SPATA31H1: variants seen among roughly 807,000 people sequenced by gnomAD.
SPATA31H1 encodes spermatogenesis-associated protein 31H1.
At chr2:27,565,359 A>C in the SPATA31H1 span, 1 of 717,386 alleles carries the variant, frequency 1.4e-6, no homozygotes, top group East Asian at 2.7e-5. Context: ...CATAGATTGA[A>C]AAAGATCCAG....
chr2:27,542,809 CAT>C, the SPATA31H1 span, among the ~76,000 whole-genome samples: 2 of 151,996 alleles, frequency 1.3e-5, no homozygotes, highest in African/African-American at 4.8e-5. Flanking sequence ...AAAAAGACAA[CAT>C]ACAGTCTGGG....
chr2:27,581,066 G>A, the SPATA31H1 span: 6 of 1,614,140 alleles, frequency 3.7e-6, no homozygotes, highest in Non-Finnish European at 5.1e-6. Flanking sequence ...CCTCCAGCCA[G>A]GAGTCTAAGA....
the SPATA31H1 span, among the ~76,000 whole-genome samples, chr2:27,554,415 G>T: frequency 2.0e-5 from 3 of 151,970 alleles, no homozygotes; most frequent in Admixed American, 2.0e-4. Flanking sequence ...ATAAACAACA[G>T]AAACTTTTTT....
At chr2:27,538,863 T>A in the SPATA31H1 span, among the ~76,000 whole-genome samples, 1 of 151,888 alleles carries the variant, frequency 6.6e-6, no homozygotes, top group East Asian at 1.9e-4. Flanking sequence ...CATAAATTAA[T>A]TCCCCAAGTA....
At chr2:27,579,926 C>T in the SPATA31H1 span, 1 of 1,614,206 alleles carries the variant, frequency 6.2e-7, no homozygotes, top group Non-Finnish European at 8.5e-7. Flanking sequence ...TCCTAAAATA[C>T]CCTATCTGCC....
At chr2:27,570,817 AC>A in the SPATA31H1 span, 2 of 398,796 alleles carry the variant, frequency 5.0e-6, no homozygotes, top group Non-Finnish European at 8.9e-6. Context: ...GTAGCAGGCA[AC>A]CAAGAACCAA....
the SPATA31H1 span, among the ~76,000 whole-genome samples, chr2:27,556,866 G>T: frequency 9.6e-6 from 1 of 104,260 alleles, no homozygotes; most frequent in Non-Finnish European, 1.9e-5. Flanking sequence ...TTGGCCTTCC[G>T]CAGTGTTTGT....
chr2:27,581,137 T>G, the SPATA31H1 span: 7 of 1,614,154 alleles, frequency 4.3e-6, no homozygotes, highest in Non-Finnish European at 4.2e-6. Flanking sequence ...GGTTCCCCTG[T>G]GAAGAGAACC....
At chr2:27,580,192 C>T in the SPATA31H1 span, 7 of 1,614,214 alleles carry the variant, frequency 4.3e-6, no homozygotes, top group Non-Finnish European at 5.9e-6. Context: ...TATACTCAAG[C>T]TTCCAAGAGT....
the SPATA31H1 span, among the ~76,000 whole-genome samples, chr2:27,543,940 T>C: frequency 6.6e-6 from 1 of 151,998 alleles, no homozygotes; most frequent in African/African-American, 2.4e-5. Context: ...TATTGACGGT[T>C]GTTTTTTAGG....
the SPATA31H1 span, chr2:27,569,500 A>C: frequency 2.5e-6 from 1 of 398,840 alleles, no homozygotes; most frequent in Non-Finnish European, 4.4e-6. Flanking sequence ...AAATCTATGG[A>C]GTTAACCAGT....
the SPATA31H1 span, chr2:27,575,475 T>A: frequency 2.5e-6 from 1 of 398,512 alleles, no homozygotes; most frequent in Non-Finnish European, 4.4e-6. This position sits in a 1 kb window ranked among gnomAD's most constrained non-coding sequence, Gnocchi z 4.1. Context: ...TTCTGAGTTG[T>A]GCCTAGGAAC....
chr2:27,539,592 C>T, the SPATA31H1 span, among the ~76,000 whole-genome samples: 6 of 114,164 alleles, frequency 5.3e-5, no homozygotes, highest in East Asian at 2.7e-4. Context: ...TCCACAAAAC[C>T]GCCATTGTCA....
chr2:27,538,985 TG>T, the SPATA31H1 span, among the ~76,000 whole-genome samples: 1 of 152,004 alleles, frequency 6.6e-6, no homozygotes, highest in African/African-American at 2.4e-5. Context: ...GAGGAGGTAT[TG>T]GGGTGAATGT....
the SPATA31H1 span, among the ~76,000 whole-genome samples, chr2:27,545,807 C>T: frequency 6.6e-6 from 1 of 151,798 alleles, no homozygotes; most frequent in Non-Finnish European, 1.5e-5. Context: ...GGGTGATCTG[C>T]CCCCCTCGGT....
chr2:27,573,231 C>T, the SPATA31H1 span: 15 of 398,170 alleles, frequency 3.8e-5, no homozygotes, highest in Non-Finnish European at 6.2e-5. Flanking sequence ...TAAGATGTCC[C>T]GAGGACCACA....
At chr2:27,562,455 G>A in the SPATA31H1 span, among the ~76,000 whole-genome samples, 3 of 149,988 alleles carry the variant, frequency 2.0e-5, no homozygotes, top group East Asian at 5.9e-4. Flanking sequence ...AGGCTGTAGT[G>A]AGCCATGATC....
At chr2:27,549,461 CTG>C in the SPATA31H1 span, among the ~76,000 whole-genome samples, 1 of 151,722 alleles carries the variant, frequency 6.6e-6, no homozygotes, top group Non-Finnish European at 1.5e-5. Context: ...CCTCAGCCTC[CTG>C]AGTAGTTAGG....
chr2:27,541,862 C>A, the SPATA31H1 span, among the ~76,000 whole-genome samples: 2 of 152,014 alleles, frequency 1.3e-5, no homozygotes, highest in African/African-American at 2.4e-5. Context: ...CCTCAACCTC[C>A]TGAGCTCGAG....
Sources: allele counts gnomAD v4.1 joint callset (sites outside exome capture counted in the v4.1 genomes callset), GRCh38; gene constraint gnomAD v4.1.1; non-coding constraint Gnocchi (gnomAD v3.1); transcripts MANE v1.5; gene names NCBI Gene and HGNC (gene_info 2026-07-23, HGNC 2026-07-21).